The following CCDC106 variants were observed in gnomAD, a reference collection of about 807,000 sequenced individuals.
CCDC106 encodes coiled-coil domain-containing protein 106.
A neutral mutation model predicts 24.7 loss-of-function variants in CCDC106; 17 were observed. The ratio of observed to expected loss-of-function variants is 0.69; its 90% CI spans 0.47 to 1.03. The LOEUF is 1.03. Ranked by LOEUF, CCDC106 falls within the 50% of genes least tolerant of loss-of-function variation. The pLI is 0.00. For synonymous variants in CCDC106, 211 were observed against 161.3 expected, an observed-to-expected ratio of 1.31 and a Z score of -2.34; for missense variants, 337 against 388.9, an observed-to-expected ratio of 0.87 and a Z score of 1.12.
In CCDC106 at chr19:55,649,078, G is replaced by A; in HGVS notation, c.31+1G>A. The A allele has an allele frequency of 6.2e-7, 1 of 1,614,002 alleles. No individual in the cohort carries two copies. Among genetic ancestry groups the A allele is most frequent in the Non-Finnish European group, 8.5e-7 (1 of 1,180,004 alleles). ...GACCGGAGCAGTCGGAGGCGGACAA[G>A]TGAGGAAGCTGGGTCCCCTTCCCTA... On this transcript the variant is annotated splice_donor_variant, in intron 1 of 4. Transcript: ENST00000586790. LOFTEE classifies it high-confidence loss of function.
chr19:55,651,152 GTCTC>G (rs1157161487), intron 3 of CCDC106, 127 bp from the exon 4 acceptor site: 3 of 726,156 alleles, frequency 4.1e-6, no homozygotes, highest in Non-Finnish European at 4.9e-6. Flanking sequence ...CGTACTCCTT[GTCTC>G]TCTGTCTCTT....
At chr19:55,651,962 T>C (rs1414247055) in intron 4 of CCDC106, among the ~76,000 whole-genome samples, 1 of 152,038 alleles carries the variant, frequency 6.6e-6, no homozygotes, top group Non-Finnish European at 1.5e-5. Context: ...GCGCATGGCC[T>C]GTCCTGGGTT....
chr19:55,650,560 G>A (rs1983179048), intron 3 of CCDC106, among the ~76,000 whole-genome samples: 1 of 152,270 alleles, frequency 6.6e-6, no homozygotes, highest in Admixed American at 6.5e-5. Context: ...TAGGCAAGGG[G>A]GCTATGGTCT....
In CCDC106 at chr19:55,651,350, C is replaced by G. The variant is rs758903377; in HGVS notation, c.381C>G (p.Gly127=). The G allele has an allele frequency of 1.2e-6, 2 of 1,612,926 alleles. No individual in the cohort carries two copies. The highest frequency in any genetic ancestry group is 1.7e-6 in the Non-Finnish European group (2 of 1,179,624). ...MEGDSRGGAG[G]EASDPESAAS... is the part of the protein sequence containing the mutation. ...GGGACAGCCGTGGTGGGGCTGGGGG[C>G]GAGGCCTCGGACCCTGAGTCAGCAG... The change falls in exon 4 of 5, where the codon GGC becomes GGG. Residue 127 remains glycine (G), a synonymous_variant. Coordinates refer to ENST00000586790, the MANE Select transcript of CCDC106 (RefSeq NM_001370470.1).
In CCDC106 at chr19:55,648,836, G is replaced by A. The variant is rs1219301627; in HGVS notation, c.-211G>A. ...TGCCCCTGACTCCAGGAGCCCAGGA[G>A]TTTGAAGCCCAGGCGCGTTTTGCCT... On this transcript the variant is annotated 5_prime_UTR_variant, in exon 1 of 5. Coordinates refer to ENST00000586790, the MANE Select transcript of CCDC106 (RefSeq NM_001370470.1). The A allele has an allele frequency of 1.6e-6, 1 of 622,074 alleles. No individual in the cohort carries two copies. 38.5% of individuals were successfully genotyped at this position (622,074 alleles called of 1,614,324 possible). A position where few individuals can be genotyped will look rare whatever the true frequency, so the allele number is the denominator to read the frequency against.
At chr19:55,651,136 C>G in intron 3 of CCDC106, 147 bp from the exon 4 acceptor site, 1 of 664,334 alleles carries the variant, frequency 1.5e-6, no homozygotes, top group South Asian at 1.7e-5. Flanking sequence ...CCACCAGCGT[C>G]TCTACCGTAC....
Position 55,649,385 on chromosome 19 carries a change from C to T in CCDC106, c.137-23C>T, listed in dbSNP as rs372401653. On this transcript the variant is annotated intron_variant, in intron 2 of 4. Transcript: ENST00000586790. ...TGAGTCCCAGGGTGTGACCTGGTCCCCCCACCCTCGCTGTGTCCCTAGAGC... is the reference window on the plus strand; with the variant it reads ...TGAGTCCCAGGGTGTGACCTGGTCCTCCCACCCTCGCTGTGTCCCTAGAGC... 3.2e-5 allele frequency: 51 copies of T among 1,613,668 alleles called. No homozygotes were observed. The African/African-American group carries it at 6.4e-4, about 20-fold the overall frequency.
chr19:55,649,815 C>T (rs1467391629), intron 3 of CCDC106, among the ~76,000 whole-genome samples: 1 of 152,176 alleles, frequency 6.6e-6, no homozygotes, highest in Non-Finnish European at 1.5e-5. Flanking sequence ...CCTTCTCCGT[C>T]AGCTCCCCAA....
rs1982998502 is a variant in CCDC106 at position 55,648,393 on chromosome 19, C to A, written c.-654C>A. The A allele has an allele frequency of 6.7e-6, 1 of 149,910 alleles. No individual in the cohort carries two copies. The highest frequency in any genetic ancestry group is 1.5e-5 in the Non-Finnish European group (1 of 67,538). The allele number at this position is 149,910 out of a possible 1,614,324, so 9.3% of individuals were successfully genotyped here. A position where few individuals can be genotyped will look rare whatever the true frequency, so the allele number is the denominator to read the frequency against. ...TGTTCCCGCTGGAATCGTTCCACGA[C>A]CGCTCCCCCTCCCACCCGCGGGACA... On this transcript the variant is annotated 5_prime_UTR_variant, in exon 1 of 5. Coordinates refer to ENST00000586790, the MANE Select transcript of CCDC106 (RefSeq NM_001370470.1).
intron 4 of CCDC106, among the ~76,000 whole-genome samples, chr19:55,651,798 A>C (rs1395837694): frequency 6.6e-6 from 1 of 151,918 alleles, no homozygotes; most frequent in Non-Finnish European, 1.5e-5. Context: ...AGTAGCTGGG[A>C]CTACAGGCAC....
chr19:55,648,510 C>A lies in CCDC106; in HGVS notation c.-537C>A, dbSNP rs1983011598. Reference sequence around the variant, plus strand: ...CCCCACCACCGGGGGACGGTCCGCCCGCCCACGCGAGTGCGGGGGAGGGGT... The same window carrying A: ...CCCCACCACCGGGGGACGGTCCGCCAGCCCACGCGAGTGCGGGGGAGGGGT... On this transcript the variant is annotated 5_prime_UTR_variant, in exon 1 of 5. Coordinates refer to ENST00000586790, the MANE Select transcript of CCDC106 (RefSeq NM_001370470.1). The A allele has an allele frequency of 1.3e-5, 2 of 157,978 alleles. No homozygotes were observed. Among genetic ancestry groups the A allele is most frequent in the Non-Finnish European group, 2.8e-5 (2 of 71,470 alleles). The allele number at this position is 157,978 out of a possible 1,614,324, so 9.8% of individuals were successfully genotyped here. A position where few individuals can be genotyped will look rare whatever the true frequency, so the allele number is the denominator to read the frequency against.
chr19:55,649,018 G>C lies in CCDC106; in HGVS notation c.-29G>C. On this transcript the variant is annotated 5_prime_UTR_variant, in exon 1 of 5. Coordinates refer to ENST00000586790, the MANE Select transcript of CCDC106 (RefSeq NM_001370470.1). ...TCTGTCCAGTGCCCCTGAGGCCCTC[G>C]GCTGCTGGGGTCCGTAGGAAGCCGC... 5 of 1,612,052 alleles carry C rather than the reference G, an allele frequency of 3.1e-6. No homozygotes were observed. The highest frequency in any genetic ancestry group is 4.2e-6 in the Non-Finnish European group (5 of 1,179,634).
At position 55,651,295 on chromosome 19, in the gene CCDC106, G is replaced by A. The variant is rs1215366627; in HGVS notation, c.326G>A (p.Arg109Gln). 7 of 1,613,050 alleles carry A rather than the reference G, an allele frequency of 4.3e-6. No individual in the cohort carries two copies. Among genetic ancestry groups the A allele is most frequent in the Non-Finnish European group, 5.9e-6 (7 of 1,179,330 alleles). The stretch of plus-strand genomic sequence containing the variant: ...TCCATCTCCCCAGAGGACCACTGCC[G>A]GATGAAGCCTGGGCCCAGGCGGATG... ...SARMEAEDHC[R>Q]MKPGPRRMEG... is the part of the protein sequence containing the mutation. Residue 109 changes from arginine to glutamine, a missense_variant, in exon 4 of 5, where the codon CGG becomes CAG. Around this residue, in one of 2 missense-constraint regions of CCDC106, gnomAD observed 234 missense variants for 236.5 expected, o/e 0.99. Transcript: ENST00000586790.
chr19:55,650,109 C>G lies in CCDC106; in HGVS notation c.313+525C>G, dbSNP rs531476663. On this transcript the variant is annotated intron_variant, in intron 3 of 4. Transcript: ENST00000586790. ...ATCTTCCCACCCACCCTGTCCCATC[C>G]TTGGTTAATGAGCACTCCTTCCCCA... 3.3e-3 allele frequency among the ~76,000 whole-genome samples: 506 copies of G among 152,234 alleles called. 2 individuals are homozygous for G. The highest frequency in any genetic ancestry group is 5.5e-3 in the Non-Finnish European group (371 of 67,992).
rs776259359 is a variant in CCDC106 at position 55,649,541 on chromosome 19, G to A, written c.270G>A (p.Arg90=). ...EDLEEERDFL[R]CQLDKFISSA... ...TGGAGGAAGAGAGGGACTTCCTGCGGTGCCAGCTGGACAAATTCATCTCTT... is the reference window on the plus strand; with the variant it reads ...TGGAGGAAGAGAGGGACTTCCTGCGATGCCAGCTGGACAAATTCATCTCTT... The change falls in exon 3 of 5, where the codon CGG becomes CGA. Residue 90 remains arginine (R), a synonymous_variant. Transcript: ENST00000586790. The A allele has an allele frequency of 3.7e-6, 6 of 1,614,040 alleles. No homozygotes were observed. Among genetic ancestry groups the A allele is most frequent in the African/African-American group, 1.3e-5 (1 of 74,928 alleles).
rs1219334506 is a variant in CCDC106 at position 55,652,767 on chromosome 19, T to G, written c.*21T>G. 6.3e-7 allele frequency: 1 copy of G among 1,586,602 alleles called. No individual in the cohort carries two copies. Among genetic ancestry groups the G allele is most frequent in the Admixed American group, 1.7e-5 (1 of 58,762 alleles). ...GGTGATCGCACCACGCCTCCGCGCC[T>G]CCACCCGGGCCTTCCTCCCCCGTGG... On this transcript the variant is annotated 3_prime_UTR_variant, in exon 5 of 5. Transcript: ENST00000586790. This position sits in a 1 kb window ranked among gnomAD's most constrained non-coding sequence, Gnocchi z 5.9.
In CCDC106 at chr19:55,652,035, T is replaced by A. The variant is rs1983326672; in HGVS notation, c.527-395T>A. ...ACCTTGGGCACCTCCTTAACTTTCA[T>A]CAGTAAGGAGGAGGTGCGCAGTAGG... On this transcript the variant is annotated intron_variant, in intron 4 of 4. Coordinates refer to ENST00000586790, the MANE Select transcript of CCDC106 (RefSeq NM_001370470.1). The surrounding 1 kb of genome is among the most constrained non-coding windows in gnomAD (Gnocchi z 5.9). Among the ~76,000 whole-genome samples, 1 of 151,948 alleles carries A rather than the reference T, an allele frequency of 6.6e-6. No homozygotes were observed. The highest frequency in any genetic ancestry group is 6.6e-5 in the Admixed American group (1 of 15,252).
chr19:55,649,188 G>C lies in CCDC106; in HGVS notation c.32-17G>C, dbSNP rs766756806. On this transcript the variant is annotated splice_polypyrimidine_tract_variant and intron_variant, in intron 1 of 4. Coordinates refer to ENST00000586790, the MANE Select transcript of CCDC106 (RefSeq NM_001370470.1). ...CCGGGGAATTCTCTGGGGTAACCCG[G>C]GGCCTCTCCTCTCCAGTGAAGGACG... The C allele has an allele frequency of 6.2e-7, 1 of 1,612,324 alleles. No homozygotes were observed. Among genetic ancestry groups the C allele is most frequent in the African/African-American group, 1.3e-5 (1 of 74,874 alleles).
rs1221778762 is a variant in CCDC106 at position 55,648,466 on chromosome 19, T to A, written c.-581T>A. The A allele has an allele frequency of 6.4e-6, 1 of 155,366 alleles. No individual in the cohort carries two copies. Among genetic ancestry groups the A allele is most frequent in the Non-Finnish European group, 1.4e-5 (1 of 70,148 alleles). The allele number at this position is 155,366 out of a possible 1,614,324, so 9.6% of individuals were successfully genotyped here. On this transcript the variant is annotated 5_prime_UTR_variant, in exon 1 of 5. Coordinates refer to ENST00000586790, the MANE Select transcript of CCDC106 (RefSeq NM_001370470.1). Reference sequence around the variant, plus strand: ...CACCCCCACGCGTGACCTTTCCCCGTACTGCGCACGCGCCCAGCCCCCACC... The same window carrying A: ...CACCCCCACGCGTGACCTTTCCCCGAACTGCGCACGCGCCCAGCCCCCACC...
Sources: gnomAD v4.1 joint callset for allele counts (sites outside exome capture counted in the v4.1 genomes callset) on GRCh38, gnomAD v4.1.1 for gene constraint, gnomAD v4.1.1 regional missense constraint, Gnocchi (gnomAD v3.1) non-coding constraint, MANE v1.5 for transcripts, NCBI Gene and HGNC (gene_info 2026-07-23, HGNC 2026-07-21) for gene names.